The following GRID2 variants were observed in gnomAD, a reference collection of about 807,000 sequenced individuals.
The protein encoded by GRID2 is glutamate receptor ionotropic, delta-2.
GRID2 carries 33 observed loss-of-function variants against 114.8 expected under a neutral mutation model. That is an observed-to-expected ratio of 0.29 (90% CI 0.22 to 0.38). The LOEUF (loss-of-function observed/expected upper bound fraction) is 0.38, where lower values mean the gene tolerates loss of function less well. Ranked by LOEUF, GRID2 falls within the 10% of genes least tolerant of loss-of-function variation. The pLI is 1.00. For synonymous variants in GRID2, 505 were observed against 449.9 expected, an observed-to-expected ratio of 1.12 and a Z score of -1.55; for missense variants, 1,184 against 1,257.7, an observed-to-expected ratio of 0.94 and a Z score of 0.89.
At chr4:92,348,712 T>C (rs1363458873) in intron 1 of GRID2, among the ~76,000 whole-genome samples, 1 of 152,130 alleles carries the variant, frequency 6.6e-6, no homozygotes, top group Non-Finnish European at 1.5e-5. Flanking sequence ...TAAGAAAGTT[T>C]CAGGTATTAA....
chr4:92,604,021 T>A (rs1184521320), intron 2 of GRID2, among the ~76,000 whole-genome samples: 3 of 152,166 alleles, frequency 2.0e-5, no homozygotes, highest in Non-Finnish European at 2.9e-5. Context: ...TGGCAATTAT[T>A]AAAATGTTAA....
At chr4:92,749,249 G>A (rs958402878) in intron 2 of GRID2, among the ~76,000 whole-genome samples, 2 of 148,390 alleles carry the variant, frequency 1.3e-5, no homozygotes, top group South Asian at 2.1e-4. Flanking sequence ...TGATCTGCCC[G>A]CCTCCCAAAG....
chr4:93,015,982 A>G (rs527464352), intron 2 of GRID2, among the ~76,000 whole-genome samples: 1 of 152,198 alleles, frequency 6.6e-6, no homozygotes, highest in South Asian at 2.1e-4. Flanking sequence ...ATCACAATAA[A>G]GGGGAAGAAG....
At chr4:92,479,157 G>A (rs552376205) in intron 1 of GRID2, among the ~76,000 whole-genome samples, 4 of 151,990 alleles carry the variant, frequency 2.6e-5, no homozygotes, top group Non-Finnish European at 5.9e-5. Flanking sequence ...AATAATAATG[G>A]TGGGAAATAT....
chr4:92,533,732 G>A (rs988446613), intron 1 of GRID2, among the ~76,000 whole-genome samples: 4 of 152,030 alleles, frequency 2.6e-5, no homozygotes, highest in Non-Finnish European at 4.4e-5. Flanking sequence ...GCCTTTTAGG[G>A]AAATCCGAAT....
At chr4:93,066,421 T>C (rs1728302454) in intron 2 of GRID2, among the ~76,000 whole-genome samples, 1 of 151,978 alleles carries the variant, frequency 6.6e-6, no homozygotes, top group Non-Finnish European at 1.5e-5. Context: ...AGCAGTTCTC[T>C]CTGCCTGACA....
chr4:92,559,625 TAGAG>T (rs1402403208), intron 1 of GRID2, among the ~76,000 whole-genome samples: 1 of 152,150 alleles, frequency 6.6e-6, no homozygotes, highest in Admixed American at 6.6e-5. Context: ...ATATCAAACT[TAGAG>T]GGAAGAAAAT....
At chr4:92,852,989 G>C (rs1743931959) in intron 2 of GRID2, among the ~76,000 whole-genome samples, 1 of 151,930 alleles carries the variant, frequency 6.6e-6, no homozygotes, top group Admixed American at 6.6e-5. Flanking sequence ...TAATATGCCA[G>C]TGTTTGCATT....
chr4:92,661,348 C>G (rs548077940), intron 2 of GRID2, among the ~76,000 whole-genome samples: 73 of 150,828 alleles, frequency 4.8e-4, no homozygotes, highest in African/African-American at 1.7e-3. Context: ...ATTTCATTTT[C>G]CTAAATTTAA....
At position 92,781,592 on chromosome 4, in the gene GRID2, G is replaced by A. The variant is rs184835105; in HGVS notation, c.244+191306G>A. Among the ~76,000 whole-genome samples, 69 of 152,014 alleles carry A rather than the reference G, an allele frequency of 4.5e-4. 2 individuals are homozygous for A. The highest frequency in any genetic ancestry group is 1.6e-3 in the African/African-American group (65 of 41,486). On this transcript the variant is annotated intron_variant, in intron 2 of 15. Transcript: ENST00000282020. ...TTATGATTTTTTAAATGCCAAATTA[G>A]TTTTCTACCTTCATAATTTTTTGCA...
At chr4:93,622,284 A>G (rs917913542) in intron 13 of GRID2, among the ~76,000 whole-genome samples, 2 of 152,142 alleles carry the variant, frequency 1.3e-5, no homozygotes, top group African/African-American at 4.8e-5. Context: ...TCTCACACTA[A>G]CACTCCAAGC....
chr4:92,844,705 CAA>C (rs35173293), intron 2 of GRID2, among the ~76,000 whole-genome samples: 19 of 92,896 alleles, frequency 2.0e-4, no homozygotes, highest in Admixed American at 9.7e-4. Flanking sequence ...GACTCTGTCT[CAA>C]AAAAAAAAAA....
At chr4:93,297,963 A>C (rs920244432) in intron 8 of GRID2, among the ~76,000 whole-genome samples, 2 of 152,202 alleles carry the variant, frequency 1.3e-5, no homozygotes, top group African/African-American at 4.8e-5. Context: ...TACCATGTGC[A>C]GATAATCAAT....
At chr4:92,590,333 G>T in intron 2 of GRID2, 47 bp downstream of exon 2, 1 of 1,294,232 alleles carries the variant, frequency 7.7e-7, no homozygotes, top group Non-Finnish European at 1.1e-6. Context: ...AATTCAAGTG[G>T]CAATGAAATT....
intron 14 of GRID2, among the ~76,000 whole-genome samples, chr4:93,710,611 G>A (rs1728402541): frequency 6.6e-6 from 1 of 152,116 alleles, no homozygotes; most frequent in South Asian, 2.1e-4. Flanking sequence ...AAGGCCCAAG[G>A]GCTCTTTGGT....
At chr4:92,617,378 C>T (rs933522072) in intron 2 of GRID2, among the ~76,000 whole-genome samples, 5 of 151,670 alleles carry the variant, frequency 3.3e-5, no homozygotes, top group African/African-American at 1.2e-4. Flanking sequence ...CTCCACTTGT[C>T]CCCCATCCCC....
intron 1 of GRID2, among the ~76,000 whole-genome samples, chr4:92,401,375 C>T (rs1308625025): frequency 1.3e-5 from 2 of 151,998 alleles, no homozygotes; most frequent in East Asian, 1.9e-4. Context: ...TATAGTGAAC[C>T]AAGCATAATG....
chr4:92,482,028 A>C (rs1341539668), intron 1 of GRID2, among the ~76,000 whole-genome samples: 6 of 69,166 alleles, frequency 8.7e-5, no homozygotes, highest in African/African-American at 3.4e-4. Context: ...ATATATATAT[A>C]TATATAAAAT....
chr4:93,768,123 C>T (rs2110331548), intron 14 of GRID2, among the ~76,000 whole-genome samples: 1 of 152,222 alleles, frequency 6.6e-6, no homozygotes, highest in Admixed American at 6.5e-5. Context: ...TGAGCTCTGT[C>T]CACACTCTAC....
Sources: allele counts gnomAD v4.1 joint callset (sites outside exome capture counted in the v4.1 genomes callset), GRCh38; gene constraint gnomAD v4.1.1; transcripts MANE v1.5; gene names NCBI Gene and HGNC (gene_info 2026-07-23, HGNC 2026-07-21).